The following ZNF385D variants were observed in gnomAD, a reference collection of about 807,000 sequenced individuals.
The protein encoded by ZNF385D is zinc finger protein 659.
A neutral mutation model predicts 35.8 loss-of-function variants in ZNF385D; 15 were observed. The ratio of observed to expected loss-of-function variants is 0.42; its 90% confidence interval spans 0.28 to 0.64. The LOEUF (loss-of-function observed/expected upper bound fraction) is 0.64, where lower values mean the gene tolerates loss of function less well. Among genes scored for constraint, ZNF385D ranks in the 30% least tolerant of loss-of-function variants. The pLI is 0.23. For missense variants in ZNF385D, 474 were observed against 494.6 expected, an observed-to-expected ratio of 0.96 and a Z score of 0.39; for synonymous variants, 212 against 186.8, an observed-to-expected ratio of 1.13 and a Z score of -1.10.
At chr3:21,971,426 A>T (rs1441555848) in intron 3 of ZNF385D, among the ~76,000 whole-genome samples, 2 of 151,908 alleles carry the variant, frequency 1.3e-5, no homozygotes, top group Non-Finnish European at 2.9e-5. Flanking sequence ...ATCATGGGTT[A>T]TAAGATATTA....
chr3:22,198,317 CACTGATATTTGCAGCAAAA>C, intron 2 of ZNF385D, among the ~76,000 whole-genome samples: 1 of 152,072 alleles, frequency 6.6e-6, no homozygotes, highest in East Asian at 1.9e-4. Flanking sequence ...TTGAGGCAAC[CACTGATATTTGCAGCAAAA>C]ACATATTAGG....
At chr3:22,268,856 T>C (rs1701029528) in intron 2 of ZNF385D, among the ~76,000 whole-genome samples, 1 of 151,916 alleles carries the variant, frequency 6.6e-6, no homozygotes, top group African/African-American at 2.4e-5. Flanking sequence ...TACCCAATTT[T>C]CTCAGTTTCC....
At chr3:21,678,316 A>G (rs2066791609) in intron 1 of ZNF385D, among the ~76,000 whole-genome samples, 1 of 152,072 alleles carries the variant, frequency 6.6e-6, no homozygotes, top group Admixed American at 6.6e-5. Context: ...TAAATGGGAG[A>G]CTTTCATTCC....
intron 2 of ZNF385D, among the ~76,000 whole-genome samples, chr3:22,273,905 A>C (rs1001098225): frequency 5.9e-5 from 9 of 152,032 alleles, no homozygotes; most frequent in Admixed American, 3.3e-4. Flanking sequence ...ATGGTTTTCC[A>C]TATGTTTTTC....
chr3:22,061,151 A>T (rs541721093), intron 3 of ZNF385D, among the ~76,000 whole-genome samples: 2 of 152,178 alleles, frequency 1.3e-5, no homozygotes, highest in Non-Finnish European at 2.9e-5. Context: ...GTTGCAAAGA[A>T]TTATTCTCTC....
chr3:22,169,728 C>A (rs1487068877), intron 2 of ZNF385D, among the ~76,000 whole-genome samples: 2 of 152,170 alleles, frequency 1.3e-5, no homozygotes, highest in Non-Finnish European at 2.9e-5. Flanking sequence ...GATAAATGTA[C>A]GCTTTGTATA....
Position 22,004,240 on chromosome 3 carries a change from T to C in ZNF385D, c.325+164577A>G, listed in dbSNP as rs190631837. ...TAAATGGTACTGGGAAAGCTGGACA[T>C]CCATAGGCAGAAGACCCCTATCTCT... On this transcript the variant is annotated intron_variant, in intron 3 of 5. Transcript: ENST00000494108. Among the ~76,000 whole-genome samples the C allele has an allele frequency of 4.6e-3, 705 of 152,202 alleles. 1 individual carries two copies. The highest frequency in any genetic ancestry group is 7.9e-3 in the Non-Finnish European group (534 of 68,004).
chr3:21,617,375 A>G (rs144596235), intron 2 of ZNF385D, among the ~76,000 whole-genome samples: 4 of 152,292 alleles, frequency 2.6e-5, no homozygotes, highest in Admixed American at 6.5e-5. Context: ...TTCACTAGCT[A>G]TGTGACCTTG....
At chr3:21,740,704 AC>A (rs1228699457) in intron 1 of ZNF385D, among the ~76,000 whole-genome samples, 3 of 152,254 alleles carry the variant, frequency 2.0e-5, no homozygotes, top group Admixed American at 2.0e-4. Context: ...ACTCAGACTG[AC>A]TTGGGCTGGA....
chr3:22,294,933 A>G (rs2125403295), intron 2 of ZNF385D, among the ~76,000 whole-genome samples: 1 of 152,122 alleles, frequency 6.6e-6, no homozygotes, highest in Non-Finnish European at 1.5e-5. Flanking sequence ...TTAGATATCT[A>G]TTTTCCATTA....
intron 3 of ZNF385D, among the ~76,000 whole-genome samples, chr3:22,146,023 A>G (rs949074353): frequency 2.0e-5 from 3 of 152,214 alleles, no homozygotes; most frequent in Admixed American, 1.3e-4. Flanking sequence ...GTGAAACAGT[A>G]TCTGCTGGAC....
chr3:21,833,837 C>T (rs1261386040), intron 3 of ZNF385D, among the ~76,000 whole-genome samples: 1 of 152,076 alleles, frequency 6.6e-6, no homozygotes, highest in African/African-American at 2.4e-5. Context: ...TAATTATTGG[C>T]TTAAACAATG....
chr3:22,302,565 C>T (rs1239533610), intron 2 of ZNF385D, among the ~76,000 whole-genome samples: 3 of 151,838 alleles, frequency 2.0e-5, no homozygotes. Flanking sequence ...TTTGCAAACT[C>T]TTTTGGCTAT....
At chr3:22,009,654 T>A (rs1309025705) in intron 3 of ZNF385D, among the ~76,000 whole-genome samples, 1 of 149,602 alleles carries the variant, frequency 6.7e-6, no homozygotes, top group Admixed American at 6.6e-5. Context: ...AAAGATTCAA[T>A]GAGAAATCAA....
intron 2 of ZNF385D, among the ~76,000 whole-genome samples, chr3:22,297,531 C>G (rs542619378): frequency 6.6e-6 from 1 of 151,966 alleles, no homozygotes; most frequent in African/African-American, 2.4e-5. Context: ...GAAGTGGGGC[C>G]GGAGGAGGAC....
chr3:21,664,833 T>A, intron 2 of ZNF385D, 53 bp downstream of exon 2: 2 of 1,611,436 alleles, frequency 1.2e-6, no homozygotes, highest in East Asian at 2.2e-5. Flanking sequence ...GGCCTTTAAG[T>A]TAGTTTTCCA....
rs562921611 is a variant in ZNF385D at position 21,993,830 on chromosome 3, T to C, written c.325+174987A>G. ...TCCTTACTCATACATAATGTTTCAGTGTTTCTGCCATGGTTATACCACAGC... is the reference window on the plus strand; with the variant it reads ...TCCTTACTCATACATAATGTTTCAGCGTTTCTGCCATGGTTATACCACAGC... On this transcript the variant is annotated intron_variant, in intron 3 of 5. Coordinates refer to the ZNF385D transcript ENST00000494108. Among the ~76,000 whole-genome samples, 71 of 152,294 alleles carry C rather than the reference T, an allele frequency of 4.7e-4. 1 individual carries two copies. Among genetic ancestry groups the C allele is most frequent in the African/African-American group, 1.7e-3 (69 of 41,562 alleles).
At chr3:21,640,464 G>A (rs1043762603) in intron 2 of ZNF385D, among the ~76,000 whole-genome samples, 4 of 152,078 alleles carry the variant, frequency 2.6e-5, no homozygotes, top group African/African-American at 7.2e-5. Context: ...AACTTCCAGT[G>A]TTATGGTACT....
intron 3 of ZNF385D, among the ~76,000 whole-genome samples, chr3:22,078,289 A>T (rs559859467): frequency 1.3e-5 from 2 of 152,052 alleles, no homozygotes; most frequent in Admixed American, 6.6e-5. Context: ...TATGTTGACA[A>T]ATTAAACGCT....
Sources: gnomAD v4.1 joint callset for allele counts (sites outside exome capture counted in the v4.1 genomes callset) on GRCh38, gnomAD v4.1.1 for gene constraint, MANE v1.5 for transcripts, NCBI Gene and HGNC (gene_info 2026-07-23, HGNC 2026-07-21) for gene names.